Variants in OR2AT4 observed in about 807,000 individuals in gnomAD.
OR2AT4 encodes the protein olfactory receptor family 2 subfamily AT member 4.
In OR2AT4, 6 loss-of-function variants were observed where a neutral mutation model predicts 10.3. The observed-to-expected ratio is 0.58, with a 90% CI of 0.32 to 1.15. The LOEUF is 1.15. Ranked by LOEUF, OR2AT4 falls within the 50% of genes most tolerant of loss-of-function variation. The pLI is 0.05. For synonymous variants in OR2AT4, 145 were observed against 159.1 expected, an observed-to-expected ratio of 0.91 and a Z score of 0.67; for missense variants, 354 against 393.8, an observed-to-expected ratio of 0.90 and a Z score of 0.85.
exon 2 of OR2AT4, chr11:75,089,231 G>A (rs777053927): frequency 2.5e-6 from 4 of 1,614,106 alleles, no homozygotes; most frequent in Non-Finnish European, 3.4e-6. Context: ...CTGCTGGGAT[G>A]GGCAGGAGGA....
At chr11:75,093,804 C>CTTTTTTTTTTTTTT (rs1166766222) in intron 1 of OR2AT4, among the ~76,000 whole-genome samples, 10 of 88,356 alleles carry the variant, frequency 1.1e-4, no homozygotes, top group African/African-American at 1.7e-4. Context: ...TTTTCTTTTT[C>CTTTTTTTTTTTTTT]TTTTTCTTTT....
Position 75,089,763 on chromosome 11 carries a change from CA to C in OR2AT4, c.-51del. 1 of 1,547,166 alleles carries C rather than the reference CA, an allele frequency of 6.5e-7. No homozygotes were observed. The highest frequency in any genetic ancestry group is 1.2e-5 in the South Asian group (1 of 80,686). On this transcript the variant is annotated 5_prime_UTR_variant, in exon 2 of 2. An upstream start codon of the reference 5' UTR is lost. Coordinates refer to ENST00000641504, the Ensembl canonical transcript of OR2AT4. ...GAGATGGGCAGCTGGAACATCTAGACATTGGAAACATCTGGAAACCATAGAA... is the reference window on the plus strand; with the variant it reads ...GAGATGGGCAGCTGGAACATCTAGACTTGGAAACATCTGGAAACCATAGAA...
intron 1 of OR2AT4, among the ~76,000 whole-genome samples, 158 bp downstream of exon 1, chr11:75,096,670 C>G (rs893587669): frequency 4.6e-5 from 7 of 152,174 alleles, no homozygotes; most frequent in African/African-American, 1.7e-4. Flanking sequence ...CTGGTCTACA[C>G]TCACCCAGGC....
chr11:75,088,552 C>G (rs913669060), exon 2 of OR2AT4: 9 of 446,224 alleles, frequency 2.0e-5, no homozygotes, highest in Non-Finnish European at 3.3e-5. Flanking sequence ...TTTGACTTTG[C>G]TTTTAAGAAT....
chr11:75,088,932 G>A (rs1949303653), exon 2 of OR2AT4: 2 of 1,614,160 alleles, frequency 1.2e-6, no homozygotes, highest in Non-Finnish European at 1.7e-6. Context: ...GTAGGCTATG[G>A]CAATAGATGA....
chr11:75,089,815 T>A (rs1381863379), exon 2 of OR2AT4: 1 of 1,187,170 alleles, frequency 8.4e-7, no homozygotes, highest in East Asian at 2.3e-5. Context: ...GTGATAATGC[T>A]ATAATGTTTA....
At chr11:75,094,616 G>A (rs562790213) in intron 1 of OR2AT4, among the ~76,000 whole-genome samples, 1 of 152,192 alleles carries the variant, frequency 6.6e-6, no homozygotes, top group African/African-American at 2.4e-5. Flanking sequence ...AAGTACAGTG[G>A]CTTGTGCCTG....
chr11:75,096,376 G>T (rs1174167708), intron 1 of OR2AT4, among the ~76,000 whole-genome samples: 1 of 152,138 alleles, frequency 6.6e-6, no homozygotes, highest in Non-Finnish European at 1.5e-5. Context: ...AACTCATGCA[G>T]TTCTCTCATG....
intron 1 of OR2AT4, among the ~76,000 whole-genome samples, chr11:75,095,180 C>CAG (rs1180762735): frequency 2.0e-5 from 3 of 152,166 alleles, no homozygotes; most frequent in East Asian, 3.8e-4. Flanking sequence ...AAATTCATAG[C>CAG]AGAAGTAGGT....
Position 75,089,785 on chromosome 11 carries a change from T to C in OR2AT4, c.-72A>G, listed in dbSNP as rs112009779. ...AGACATTGGAAACATCTGGAAACCA[T>C]AGAAACAAAGGATTCTGGAGTGATA... On this transcript the variant is annotated 5_prime_UTR_variant, in exon 2 of 2. It removes an upstream start codon present in the reference 5' UTR. Transcript: ENST00000641504. The C allele has an allele frequency of 1.9e-5, 28 of 1,459,530 alleles. No homozygotes were observed. The African/African-American group carries it at 2.0e-4, about 10-fold the overall frequency. 90.4% of individuals were successfully genotyped at this position (1,459,530 alleles called of 1,614,324 possible). A position where few individuals can be genotyped will look rare whatever the true frequency, so the allele number is the denominator to read the frequency against.
At chr11:75,088,812 T>C (rs749037348) in exon 2 of OR2AT4, 1 of 1,602,060 alleles carries the variant, frequency 6.2e-7, no homozygotes. Flanking sequence ...TGCCTTTACA[T>C]CCCTGTTTCT....
rs767435840 is a variant in OR2AT4, at chr11:75,089,296, G to A, written c.418C>T (p.Leu140Phe). 3.1e-6 allele frequency: 5 copies of A among 1,614,218 alleles called. No homozygotes were observed. The Admixed American group carries it at 6.7e-5, about 22-fold the overall frequency. ...GTAGCATTGGTCTGTGGGTTCATGA[G>A]GACAGGGTAGTGCAGTGGGTGGCAG... The change falls in exon 2 of 2, where the codon CTC (leucine) becomes TTC (phenylalanine). Residue 140 changes from leucine to phenylalanine, a missense_variant. By Grantham distance (22) the Leu-to-Phe change is conservative. Transcript: ENST00000641504.
At chr11:75,083,537 T>C (rs1304599190) in exon 2 of OR2AT4, 5 of 152,180 alleles carry the variant, frequency 3.3e-5, no homozygotes, top group Admixed American at 2.0e-4. Flanking sequence ...GCAATCTCAT[T>C]ACTGGGTATA....
At chr11:75,092,165 T>C (rs1184145245) in intron 1 of OR2AT4, among the ~76,000 whole-genome samples, 1 of 152,072 alleles carries the variant, frequency 6.6e-6, no homozygotes, top group Admixed American at 6.6e-5. Flanking sequence ...AGATGTAAAT[T>C]AAAATACAGG....
At chr11:75,087,285 G>A (rs1337631526) in exon 2 of OR2AT4, 2 of 152,058 alleles carry the variant, frequency 1.3e-5, no homozygotes, top group Non-Finnish European at 2.9e-5. Context: ...GGATATATGG[G>A]AACTCTCATA....
At chr11:75,085,743 G>C (rs1313321519) in exon 2 of OR2AT4, 1 of 152,064 alleles carries the variant, frequency 6.6e-6, no homozygotes, top group African/African-American at 2.4e-5. Context: ...TATATTCATG[G>C]AATGGAAGAC....
At chr11:75,087,625 A>G (rs767689093) in exon 2 of OR2AT4, 3 of 152,144 alleles carry the variant, frequency 2.0e-5, no homozygotes, top group East Asian at 1.9e-4. Context: ...AAACTCCTCA[A>G]TGTAGTTTAA....
At chr11:75,091,984 T>C (rs879013846) in intron 1 of OR2AT4, among the ~76,000 whole-genome samples, 2 of 152,208 alleles carry the variant, frequency 1.3e-5, no homozygotes, top group Non-Finnish European at 2.9e-5. Context: ...ATTTTCCTAT[T>C]TTCAATACAT....
At chr11:75,081,925 C>T (rs550414742) in exon 2 of OR2AT4, 1 of 152,198 alleles carries the variant, frequency 6.6e-6, no homozygotes, top group East Asian at 1.9e-4. Flanking sequence ...TTGGAAGAAT[C>T]AACAACACTA....
Sources: gnomAD v4.1 joint callset for allele counts (sites outside exome capture counted in the v4.1 genomes callset) on GRCh38, gnomAD v4.1.1 for gene constraint, MANE v1.5 for transcripts, NCBI Gene and HGNC (gene_info 2026-07-23, HGNC 2026-07-21) for gene names.